Variants in DCAF6 observed in about 807,000 individuals in gnomAD.
The protein encoded by DCAF6 is DDB1- and CUL4-associated factor 6.
Under a neutral mutation model 125.1 loss-of-function variants are expected in DCAF6, and 54 were observed. The ratio of observed to expected loss-of-function variants is 0.43; its 90% CI spans 0.35 to 0.54. DCAF6 has a LOEUF of 0.54. DCAF6 is among the 20% of genes least tolerant of loss of function. DCAF6 has a pLI of 0.01. For missense variants in DCAF6, 934 were observed against 1,161.7 expected (o/e 0.80, Z 2.85); for synonymous variants, 371 against 390.4 (o/e 0.95, Z 0.58).
In DCAF6 at chr1:168,063,688, T is replaced by C. The variant is rs940124795; in HGVS notation, c.2368T>C (p.Leu790=). ...AAAAGAAAGGAAAGAAATGGAAGAA[T>C]TGGATACTTTGAACATTAGAAGGCC... ...RRKERKEMEE[L]DTLNIRRPLV... The change falls in exon 18 of 22, where the codon TTG becomes CTG. Residue 790 remains leucine (L), a synonymous_variant. Coordinates refer to ENST00000367840, the MANE Select transcript of DCAF6 (RefSeq NM_001198956.2). 6.9e-6 allele frequency: 11 copies of C among 1,604,454 alleles called. No homozygotes were observed. The highest frequency in any genetic ancestry group is 9.4e-6 in the Non-Finnish European group (11 of 1,176,272).
At chr1:168,008,478 C>T (rs1683677120) in intron 10 of DCAF6, among the ~76,000 whole-genome samples, 1 of 151,736 alleles carries the variant, frequency 6.6e-6, no homozygotes, top group South Asian at 2.1e-4. Flanking sequence ...TGGGTCTTTT[C>T]ATCTCACCAT....
At chr1:167,883,749 A>C in the DCAF6 span, 5 of 865,160 alleles carry the variant, frequency 5.8e-6, no homozygotes, top group South Asian at 1.4e-5. Context: ...GGTGAGGTAC[A>C]ACATGACAGA....
the DCAF6 span, chr1:167,899,468 CCGGTCA>C: frequency 6.2e-7 from 1 of 1,614,204 alleles, no homozygotes; most frequent in East Asian, 2.2e-5. Context: ...CAATCATGCT[CCGGTCA>C]CAGAGCTGCC....
At chr1:167,901,518 TTC>T in the DCAF6 span, 1 of 873,434 alleles carries the variant, frequency 1.1e-6, no homozygotes, top group Non-Finnish European at 1.9e-6. Context: ...AAAATTCACA[TTC>T]TGATTGTCCT....
At chr1:167,905,141 G>A in the DCAF6 span, 1 of 1,614,190 alleles carries the variant, frequency 6.2e-7, no homozygotes, top group Non-Finnish European at 8.5e-7. Context: ...GAGTGTTCAT[G>A]TTCAAGACAA....
the DCAF6 span, among the ~76,000 whole-genome samples, chr1:167,891,655 CAA>C: frequency 2.3e-4 from 25 of 107,622 alleles, no homozygotes; most frequent in Non-Finnish European, 1.8e-4. Flanking sequence ...GACTCTGTCT[CAA>C]AAAAAAAAAA....
the DCAF6 span, among the ~76,000 whole-genome samples, chr1:167,910,556 C>G: frequency 6.6e-6 from 1 of 152,124 alleles, no homozygotes; most frequent in Admixed American, 6.5e-5. Flanking sequence ...CCTACCTTCT[C>G]CTTGAGGTAG....
At chr1:167,913,665 A>G in the DCAF6 span, among the ~76,000 whole-genome samples, 1 of 150,886 alleles carries the variant, frequency 6.6e-6, no homozygotes. Flanking sequence ...AGCCCCCTTC[A>G]AGAGGTAGGC....
At position 168,004,570 on chromosome 1, in the gene DCAF6, G is replaced by A. The variant is rs1332762621; in HGVS notation, c.1155G>A (p.Thr385=). 2.5e-5 allele frequency: 40 copies of A among 1,611,982 alleles called. No homozygotes were observed. The highest frequency in any genetic ancestry group is 6.7e-5 in the East Asian group (3 of 44,850). The change falls in exon 10 of 22, where the codon ACG becomes ACA. Residue 385 remains threonine (T), a synonymous_variant. Transcript: ENST00000367840. ...AATCAGATATTTCAACTCTTCCTAC[G>A]GTCCCATCAAGTCCTGATTTGGAAG... is the stretch of plus-strand genomic sequence containing the variant. The part of the protein sequence containing the change: ...TSQSDISTLP[T]VPSSPDLEVS...
At chr1:167,880,705 G>C in the DCAF6 span, 1 of 868,850 alleles carries the variant, frequency 1.2e-6, no homozygotes, top group Non-Finnish European at 2.0e-6. Context: ...GCAATTTTTG[G>C]CTTCTGAATC....
At chr1:168,028,587 C>T (rs955406897) in intron 12 of DCAF6, among the ~76,000 whole-genome samples, 1 of 152,116 alleles carries the variant, frequency 6.6e-6, no homozygotes, top group African/African-American at 2.4e-5. Context: ...CACTATGTAT[C>T]ATTTTATATA....
chr1:167,881,320 A>T, the DCAF6 span, among the ~76,000 whole-genome samples: 1 of 152,240 alleles, frequency 6.6e-6, no homozygotes, highest in Non-Finnish European at 1.5e-5. Context: ...AGAAAAGGGC[A>T]TTGTGAATAA....
the DCAF6 span, among the ~76,000 whole-genome samples, chr1:167,893,050 T>C: frequency 6.6e-6 from 1 of 152,208 alleles, no homozygotes; most frequent in Non-Finnish European, 1.5e-5. Context: ...GAGATAGTTA[T>C]AATTCACATG....
At chr1:168,048,326 A>G (rs1689395004) in intron 16 of DCAF6, among the ~76,000 whole-genome samples, 1 of 152,230 alleles carries the variant, frequency 6.6e-6, no homozygotes, top group Non-Finnish European at 1.5e-5. Context: ...TAAATATTAT[A>G]CAAGTGTATA....
At chr1:168,019,506 ATGGC>A (rs1685417079) in intron 11 of DCAF6, 1 of 452,124 alleles carries the variant, frequency 2.2e-6, no homozygotes, top group African/African-American at 2.0e-5. Flanking sequence ...CATTCAGCAT[ATGGC>A]TGATTTTAAG....
chr1:167,903,896 T>C, the DCAF6 span: 3 of 1,610,366 alleles, frequency 1.9e-6, no homozygotes, highest in Non-Finnish European at 2.5e-6. Context: ...CTCTCCACTA[T>C]TGCACTTATG....
At chr1:168,028,380 T>C (rs566805252) in intron 12 of DCAF6, among the ~76,000 whole-genome samples, 8 of 152,312 alleles carry the variant, frequency 5.3e-5, no homozygotes, top group African/African-American at 1.9e-4. Context: ...GTCTGAGTTT[T>C]AGGTTTTGGC....
At chr1:167,894,890 G>A in the DCAF6 span, among the ~76,000 whole-genome samples, 1 of 152,120 alleles carries the variant, frequency 6.6e-6, no homozygotes, top group Admixed American at 6.5e-5. Context: ...TATAACATCA[G>A]AATTGCACTG....
At chr1:167,919,347 T>C in the DCAF6 span, among the ~76,000 whole-genome samples, 22 of 152,304 alleles carry the variant, frequency 1.4e-4, no homozygotes, top group South Asian at 4.6e-3. Flanking sequence ...GAGAGTAGTA[T>C]AAAAGCATAA....
Sources: gnomAD v4.1 joint callset for allele counts (sites outside exome capture counted in the v4.1 genomes callset) on GRCh38, gnomAD v4.1.1 for gene constraint, MANE v1.5 for transcripts, NCBI Gene and HGNC (gene_info 2026-07-23, HGNC 2026-07-21) for gene names.